MAP4K3: variants seen among roughly 807,000 people sequenced by gnomAD.
MAP4K3 encodes MAPK/ERK kinase kinase kinase 3.
Under a neutral mutation model 143.5 loss-of-function variants are expected in MAP4K3, and 94 were observed. That is an observed-to-expected ratio of 0.65 (90% CI 0.55 to 0.78). The LOEUF (loss-of-function observed/expected upper bound fraction) is 0.78. Among genes scored for constraint, MAP4K3 ranks in the 30% least tolerant of loss-of-function variants. MAP4K3 has a pLI of 0.00. For missense variants in MAP4K3, 1,077 were observed against 1,068.1 expected (o/e 1.01, Z -0.12); for synonymous variants, 416 against 347.2 (o/e 1.20, Z -2.20).
chr2:39,309,356 T>C, intron 14 of MAP4K3, 105 bp downstream of exon 14: 1 of 825,058 alleles, frequency 1.2e-6, no homozygotes, highest in Non-Finnish European at 1.9e-6. Context: ...CGAATGTTTT[T>C]GAAAATATTA....
chr2:39,368,431 C>T (rs1284630755), intron 2 of MAP4K3, among the ~76,000 whole-genome samples: 1 of 151,910 alleles, frequency 6.6e-6, no homozygotes, highest in Non-Finnish European at 1.5e-5. Flanking sequence ...CATTGGGAGG[C>T]CAAGGCAGGA....
Position 39,322,755 on chromosome 2 carries a change from T to C in MAP4K3, c.918+2763A>G, listed in dbSNP as rs1024924144. Among the ~76,000 whole-genome samples the C allele has an allele frequency of 5.3e-5, 8 of 151,854 alleles. No homozygotes were observed. In the South Asian group the frequency reaches 1.7e-3, roughly 32 times the overall value. On this transcript the variant is annotated intron_variant, in intron 12 of 33. Transcript: ENST00000263881. ...CATGATCTTGGCTCACTATAACCTC[T>C]GCCTCCCAGGTTCAAGCAATTCTCT...
intron 27 of MAP4K3, 76 bp downstream of exon 27, chr2:39,267,113 C>G (rs1680797944): frequency 7.4e-7 from 1 of 1,356,146 alleles, no homozygotes; most frequent in Non-Finnish European, 1.1e-6. Context: ...GGCAGAATGC[C>G]CTGGGGTAGT....
At chr2:39,298,974 A>AC (rs1184826906) in intron 16 of MAP4K3, among the ~76,000 whole-genome samples, 1 of 151,900 alleles carries the variant, frequency 6.6e-6, no homozygotes, top group Non-Finnish European at 1.5e-5. Flanking sequence ...CAAAAAAAAA[A>AC]AAAAAAAAGG....
At chr2:39,423,295 G>A (rs1325142295) in intron 1 of MAP4K3, among the ~76,000 whole-genome samples, 1 of 152,138 alleles carries the variant, frequency 6.6e-6, no homozygotes, top group Non-Finnish European at 1.5e-5. Context: ...TGGAGCAACA[G>A]GAACTCTCAT....
intron 1 of MAP4K3, among the ~76,000 whole-genome samples, chr2:39,386,243 G>T (rs2148590206): frequency 6.6e-6 from 1 of 152,252 alleles, no homozygotes; most frequent in East Asian, 1.9e-4. Flanking sequence ...GCAAGCCAAG[G>T]AGAGAAGCTT....
At chr2:39,309,748 C>T (rs1300076573) in intron 13 of MAP4K3, among the ~76,000 whole-genome samples, 2 of 151,230 alleles carry the variant, frequency 1.3e-5, no homozygotes, top group East Asian at 1.9e-4. Context: ...TTAGTAGAGA[C>T]GGGGTTTCAC....
At chr2:39,323,419 G>A (rs551115900) in intron 12 of MAP4K3, 12 of 152,252 alleles carry the variant, frequency 7.9e-5, no homozygotes, top group African/African-American at 2.9e-4. Flanking sequence ...AAACAATCAT[G>A]TAGCATTTAG....
chr2:39,310,526 G>T (rs575206721), intron 13 of MAP4K3, among the ~76,000 whole-genome samples: 71 of 152,106 alleles, frequency 4.7e-4, no homozygotes, highest in Admixed American at 8.5e-4. Context: ...TTTATCCTGG[G>T]TATTGTGATA....
At chr2:39,272,915 G>GT (rs1346239081) in intron 24 of MAP4K3, among the ~76,000 whole-genome samples, 14 of 151,868 alleles carry the variant, frequency 9.2e-5, no homozygotes, top group Non-Finnish European at 1.5e-5. Flanking sequence ...CAAAATAGAC[G>GT]TATCTAGGCA....
chr2:39,272,662 T>C (rs1478113499), intron 24 of MAP4K3, 120 bp from the exon 25 acceptor site: 1 of 677,738 alleles, frequency 1.5e-6, no homozygotes, highest in Non-Finnish European at 2.5e-6. Context: ...TAAATTATTT[T>C]TAACATAAAT....
At chr2:39,420,743 G>A (rs1180689216) in intron 1 of MAP4K3, among the ~76,000 whole-genome samples, 7 of 152,128 alleles carry the variant, frequency 4.6e-5, no homozygotes, top group Non-Finnish European at 8.8e-5. Context: ...TAAAAGTGAG[G>A]AAGAAGTTAA....
intron 8 of MAP4K3, among the ~76,000 whole-genome samples, chr2:39,328,520 T>A (rs1683572405): frequency 6.6e-6 from 1 of 151,850 alleles, no homozygotes; most frequent in Admixed American, 6.6e-5. Context: ...AAGGCACAAA[T>A]ATAGAGACAG....
intron 4 of MAP4K3, among the ~76,000 whole-genome samples, chr2:39,340,544 G>A (rs1446246615): frequency 1.3e-5 from 2 of 152,164 alleles, no homozygotes; most frequent in African/African-American, 4.8e-5. Flanking sequence ...GGTTGAAATG[G>A]AATGGTAAGA....
intron 2 of MAP4K3, among the ~76,000 whole-genome samples, chr2:39,363,669 A>AG: frequency 7.5e-5 from 1 of 13,328 alleles, no homozygotes; most frequent in Admixed American, 7.8e-4. Context: ...ACTCTGTCTC[A>AG]AAAAAAAAAA....
At chr2:39,344,900 C>G (rs1665242453) in intron 3 of MAP4K3, among the ~76,000 whole-genome samples, 1 of 152,132 alleles carries the variant, frequency 6.6e-6, no homozygotes, top group Non-Finnish European at 1.5e-5. Flanking sequence ...GAGACAGTAG[C>G]AGGAAATAAA....
chr2:39,390,044 T>C (rs187736934), intron 1 of MAP4K3, among the ~76,000 whole-genome samples: 41 of 152,270 alleles, frequency 2.7e-4, no homozygotes, highest in African/African-American at 9.4e-4. Context: ...TAGGTATGTA[T>C]ATTAAATTAT....
intron 1 of MAP4K3, among the ~76,000 whole-genome samples, chr2:39,381,943 C>G (rs1558678088): frequency 2.0e-5 from 3 of 151,910 alleles, no homozygotes; most frequent in African/African-American, 7.2e-5. Context: ...ACACGTCCCC[C>G]ACCACATACT....
At chr2:39,297,559 A>T (rs1682334363) in intron 16 of MAP4K3, among the ~76,000 whole-genome samples, 1 of 152,192 alleles carries the variant, frequency 6.6e-6, no homozygotes, top group Admixed American at 6.5e-5. Context: ...AGAAAAAGAA[A>T]AGACCTATGT....
Sources: allele counts gnomAD v4.1 joint callset (sites outside exome capture counted in the v4.1 genomes callset), GRCh38; gene constraint gnomAD v4.1.1; transcripts MANE v1.5; gene names NCBI Gene and HGNC (gene_info 2026-07-23, HGNC 2026-07-21).